Variants in SGCD observed in about 807,000 individuals in gnomAD.
SGCD encodes delta-sarcoglycan.
A neutral mutation model predicts 36.6 loss-of-function variants in SGCD; 18 were observed. That is an observed-to-expected ratio of 0.49 (90% CI 0.34 to 0.73). The LOEUF (loss-of-function observed/expected upper bound fraction) is 0.73, where lower values mean the gene tolerates loss of function less well. Ranked by LOEUF, SGCD falls within the 30% of genes least tolerant of loss-of-function variation. The pLI is 0.01. For synonymous variants in SGCD, 133 were observed against 130.6 expected, an observed-to-expected ratio of 1.02 and a Z score of -0.12; for missense variants, 387 against 346.7, an observed-to-expected ratio of 1.12 and a Z score of -0.92.
intron 7 of SGCD, among the ~76,000 whole-genome samples, chr5:156,683,479 TC>T (rs1356093337): frequency 6.6e-6 from 1 of 152,224 alleles, no homozygotes; most frequent in Non-Finnish European, 1.5e-5. Flanking sequence ...ACATGGTTAA[TC>T]CTAAGAGAAG....
intron 3 of SGCD, among the ~76,000 whole-genome samples, chr5:156,356,842 T>C (rs1769517599): frequency 6.6e-6 from 1 of 151,806 alleles, no homozygotes; most frequent in Admixed American, 6.6e-5. Flanking sequence ...CAGAGGAAAA[T>C]TTGACACAGA....
At chr5:156,688,251 T>C (rs1753979841) in intron 7 of SGCD, among the ~76,000 whole-genome samples, 1 of 152,154 alleles carries the variant, frequency 6.6e-6, no homozygotes, top group South Asian at 2.1e-4. Context: ...TTTGGCATAG[T>C]GGCTGACACC....
At position 156,154,979 on chromosome 5, in the gene SGCD, G is replaced by A. The variant is rs1294445215; in HGVS notation, c.-44+30960G>A. Among the ~76,000 whole-genome samples, 4 of 151,696 alleles carry A rather than the reference G, an allele frequency of 2.6e-5. No homozygotes were observed. In the East Asian group the frequency reaches 7.7e-4, roughly 29 times the overall value. On this transcript the variant is annotated intron_variant, in intron 3 of 9. Transcript: ENST00000517913. ...CAAACTCAATGTCTGCAGGGATGAG[G>A]CAGGGAATGTTAATGAGTAAAATAG...
intron 7 of SGCD, among the ~76,000 whole-genome samples, chr5:156,725,998 C>T (rs943182830): frequency 1.1e-4 from 16 of 152,164 alleles, no homozygotes; most frequent in African/African-American, 3.4e-4. Flanking sequence ...TGGATATTAA[C>T]GTTTCCTTTC....
At chr5:156,556,656 C>T (rs1759031677) in intron 4 of SGCD, among the ~76,000 whole-genome samples, 1 of 152,070 alleles carries the variant, frequency 6.6e-6, no homozygotes, top group African/African-American at 2.4e-5. Flanking sequence ...AAGAAAAGAA[C>T]CATTTCTGTA....
At chr5:156,730,499 A>AGTTT (rs1199162974) in intron 7 of SGCD, among the ~76,000 whole-genome samples, 4 of 152,116 alleles carry the variant, frequency 2.6e-5, no homozygotes, top group Non-Finnish European at 5.9e-5. Context: ...TGTGTTTGTT[A>AGTTT]GTTTGTTAAG....
At chr5:155,954,493 T>A (rs1757607424) in intron 1 of SGCD, among the ~76,000 whole-genome samples, 1 of 150,944 alleles carries the variant, frequency 6.6e-6, no homozygotes, top group Admixed American at 6.6e-5. Context: ...GGCATGGGGT[T>A]AAAGCAATTC....
intron 4 of SGCD, among the ~76,000 whole-genome samples, chr5:156,535,411 G>A (rs867614275): frequency 2.6e-5 from 4 of 152,166 alleles, no homozygotes; most frequent in African/African-American, 7.2e-5. Flanking sequence ...TGTTAGCAAC[G>A]TTTAATGAAA....
chr5:155,930,383 T>C (rs1197162609), intron 1 of SGCD, among the ~76,000 whole-genome samples: 1 of 152,218 alleles, frequency 6.6e-6, no homozygotes, highest in African/African-American at 2.4e-5. Flanking sequence ...GTTTATCTAA[T>C]CCATTGAGCA....
At chr5:156,196,439 A>G (rs889953931) in intron 3 of SGCD, among the ~76,000 whole-genome samples, 2 of 152,190 alleles carry the variant, frequency 1.3e-5, no homozygotes, top group African/African-American at 2.4e-5. Flanking sequence ...CAGCCAACTG[A>G]TTAACCTAGT....
intron 1 of SGCD, among the ~76,000 whole-genome samples, chr5:156,083,926 T>C (rs555677861): frequency 2.3e-4 from 35 of 152,186 alleles, no homozygotes; most frequent in African/African-American, 8.4e-4. Flanking sequence ...TGTGGATCTA[T>C]TTCTAGGTCT....
At chr5:155,869,660 A>T (rs1043147119), upstream of SGCD, among the ~76,000 whole-genome samples, 19 of 149,144 alleles carry the variant, frequency 1.3e-4, no homozygotes, top group East Asian at 3.9e-4. Flanking sequence ...TTTTTTTTTT[A>T]AATTTCACCT....
chr5:155,939,989 A>G (rs1257708139), intron 1 of SGCD, among the ~76,000 whole-genome samples: 6 of 151,882 alleles, frequency 4.0e-5, no homozygotes, highest in Admixed American at 2.0e-4. Flanking sequence ...ACCCATCATC[A>G]TGCCCGGCTA....
Position 156,052,401 on chromosome 5 carries a change from G to A in SGCD, c.-281-65477G>A, listed in dbSNP as rs549407424. On this transcript the variant is annotated intron_variant, in intron 1 of 9. Coordinates refer to the SGCD transcript ENST00000517913. Reference sequence around the variant, plus strand: ...TCACACAAGGCTTTGTAGGTCATGAGAAGGCCTTTGAACTTCATGCTAAGT... The same window carrying A: ...TCACACAAGGCTTTGTAGGTCATGAAAAGGCCTTTGAACTTCATGCTAAGT... Among the ~76,000 whole-genome samples, 101 of 146,478 alleles carry A rather than the reference G, an allele frequency of 6.9e-4. 5 individuals are homozygous for A. The highest frequency in any genetic ancestry group is 2.4e-3 in the African/African-American group (99 of 40,746).
chr5:156,732,047 A>C (rs1160431437), intron 7 of SGCD, among the ~76,000 whole-genome samples: 1 of 152,174 alleles, frequency 6.6e-6, no homozygotes, highest in Non-Finnish European at 1.5e-5. Flanking sequence ...TTTTGGGCTA[A>C]GACCATGGGG....
chr5:156,132,458 CTTT>C (rs573278623), intron 3 of SGCD, among the ~76,000 whole-genome samples: 30 of 51,772 alleles, frequency 5.8e-4, no homozygotes, highest in African/African-American at 2.6e-3. Context: ...CTTACCAAGT[CTTT>C]TTTTTTTTTT....
intron 1 of SGCD, among the ~76,000 whole-genome samples, chr5:156,027,979 C>T (rs934922600): frequency 2.0e-5 from 3 of 152,156 alleles, no homozygotes; most frequent in Non-Finnish European, 4.4e-5. Flanking sequence ...AAAGGGTGGA[C>T]TCTGTGTGAA....
At chr5:156,335,894 A>G (rs1486453085) in intron 2 of SGCD, among the ~76,000 whole-genome samples, 1 of 152,172 alleles carries the variant, frequency 6.6e-6, no homozygotes, top group Non-Finnish European at 1.5e-5. Flanking sequence ...ACCTCTCTGA[A>G]GACGATTGCA....
chr5:156,209,600 G>C, intron 3 of SGCD, among the ~76,000 whole-genome samples: 1 of 152,210 alleles, frequency 6.6e-6, no homozygotes, highest in East Asian at 1.9e-4. Context: ...TACTGGACCA[G>C]CCAAAATAAA....
Sources: allele counts gnomAD v4.1 joint callset (sites outside exome capture counted in the v4.1 genomes callset), GRCh38; gene constraint gnomAD v4.1.1; transcripts MANE v1.5; gene names NCBI Gene and HGNC (gene_info 2026-07-23, HGNC 2026-07-21).